The following QTGAL variants were observed in gnomAD, a reference collection of about 807,000 sequenced individuals.
QTGAL encodes the protein BGnT-like protein 1.
At chr17:82,967,427 G>T in the QTGAL span, among the ~76,000 whole-genome samples, 3 of 151,966 alleles carry the variant, frequency 2.0e-5, no homozygotes, top group Non-Finnish European at 2.9e-5. Context: ...TCTGCTTGTC[G>T]TCCATCCTGA....
At chr17:83,049,025 G>C in the QTGAL span, 2 of 484,736 alleles carry the variant, frequency 4.1e-6, no homozygotes, top group Non-Finnish European at 7.4e-6. Context: ...AGGCCGAGGT[G>C]GGTGGATTAC....
chr17:82,999,607 ATAAAG>A, the QTGAL span, among the ~76,000 whole-genome samples: 1 of 152,268 alleles, frequency 6.6e-6, no homozygotes, highest in Non-Finnish European at 1.5e-5. Context: ...TATTTTTACA[ATAAAG>A]TAAGCTAGAG....
At chr17:83,036,345 G>C in the QTGAL span, among the ~76,000 whole-genome samples, 2 of 152,218 alleles carry the variant, frequency 1.3e-5, no homozygotes, top group African/African-American at 4.8e-5. Context: ...AACTAGGAAA[G>C]CAGCTGCCCT....
the QTGAL span, among the ~76,000 whole-genome samples, chr17:83,033,494 C>A: frequency 4.2e-5 from 6 of 144,132 alleles, no homozygotes; most frequent in African/African-American, 1.6e-4. Flanking sequence ...TTTTTTGAGA[C>A]AGAGTCCCGC....
chr17:82,996,818 G>A, the QTGAL span, among the ~76,000 whole-genome samples: 1 of 152,164 alleles, frequency 6.6e-6, no homozygotes, highest in Admixed American at 6.5e-5. Context: ...TTCAATAAAT[G>A]GTGTTGGGAA....
the QTGAL span, among the ~76,000 whole-genome samples, chr17:82,965,309 C>A: frequency 6.6e-6 from 1 of 152,174 alleles, no homozygotes; most frequent in African/African-American, 2.4e-5. Context: ...CCTTCTCCCT[C>A]TGTTGTCCCA....
chr17:82,974,236 C>T, the QTGAL span, among the ~76,000 whole-genome samples: 3 of 152,228 alleles, frequency 2.0e-5, no homozygotes, highest in Non-Finnish European at 4.4e-5. Context: ...GTGGGCCCCA[C>T]AGGTTTGGGG....
At chr17:82,974,929 A>G in the QTGAL span, among the ~76,000 whole-genome samples, 1 of 145,500 alleles carries the variant, frequency 6.9e-6, no homozygotes, top group South Asian at 2.2e-4. Flanking sequence ...GGGCCCCAGG[A>G]CAGAGCCGGA....
the QTGAL span, among the ~76,000 whole-genome samples, chr17:82,972,553 A>C: frequency 0.052 from 2,802 of 54,204 alleles, 1 homozygote; most frequent in African/African-American, 0.11. Context: ...ACCACAGGGG[A>C]TAGAAGGACC....
the QTGAL span, among the ~76,000 whole-genome samples, chr17:83,027,393 T>C: frequency 0.24 from 35,936 of 152,192 alleles, 4,271 homozygotes; most frequent in Middle Eastern, 0.27. Flanking sequence ...ACAAGAGACG[T>C]CGATAGGACA....
chr17:83,019,175 C>T, the QTGAL span, among the ~76,000 whole-genome samples: 81 of 152,238 alleles, frequency 5.3e-4, no homozygotes, highest in African/African-American at 1.8e-3. Flanking sequence ...GGGATTGATC[C>T]TGACCACCCA....
chr17:82,942,191 G>A, the QTGAL span: 436 of 551,022 alleles, frequency 7.9e-4, no homozygotes, highest in Non-Finnish European at 8.0e-4. Context: ...AATTTCAAAC[G>A]TGTGAATGCA....
chr17:82,977,508 T>C, the QTGAL span, among the ~76,000 whole-genome samples: 2 of 149,780 alleles, frequency 1.3e-5, no homozygotes, highest in African/African-American at 5.0e-5. Flanking sequence ...AACTTTTCTT[T>C]GTTTAAAAGC....
At chr17:82,958,250 G>A in the QTGAL span, among the ~76,000 whole-genome samples, 9 of 152,346 alleles carry the variant, frequency 5.9e-5, no homozygotes, top group African/African-American at 1.7e-4. Flanking sequence ...GGGCCAGAAC[G>A]GCGTGGGATG....
the QTGAL span, chr17:82,957,060 G>A: frequency 2.2e-6 from 3 of 1,364,576 alleles, no homozygotes; most frequent in East Asian, 6.9e-5. Context: ...GCTCCCTGGA[G>A]GCCCCGAGGA....
chr17:82,976,272 G>T, the QTGAL span, among the ~76,000 whole-genome samples: 1 of 95,984 alleles, frequency 1.0e-5, no homozygotes, highest in Non-Finnish European at 2.0e-5. Context: ...GGGGAAACAG[G>T]GCCCCAGGAC....
the QTGAL span, chr17:83,051,653 G>A: frequency 1.5e-4 from 189 of 1,286,856 alleles, no homozygotes; most frequent in Non-Finnish European, 1.6e-4. Context: ...TGCGAACCCC[G>A]GAGCGAGAGA....
the QTGAL span, among the ~76,000 whole-genome samples, chr17:83,002,928 G>A: frequency 8.4e-5 from 1 of 11,870 alleles, no homozygotes; most frequent in Non-Finnish European, 1.7e-4. Flanking sequence ...CGCCCTCCGC[G>A]TGTGGGATTC....
the QTGAL span, among the ~76,000 whole-genome samples, chr17:82,971,613 C>A: frequency 1.3e-5 from 2 of 148,728 alleles, no homozygotes; most frequent in Non-Finnish European, 3.0e-5. Flanking sequence ...ACTGACCACA[C>A]CACACCACAG....
Sources: gnomAD v4.1 joint callset for allele counts (sites outside exome capture counted in the v4.1 genomes callset) on GRCh38, gnomAD v4.1.1 for gene constraint, MANE v1.5 for transcripts, NCBI Gene and HGNC (gene_info 2026-07-23, HGNC 2026-07-21) for gene names.